The following KIAA1217 variants were observed in gnomAD, a reference collection of about 807,000 sequenced individuals.
KIAA1217 encodes sickle tail protein homolog.
In KIAA1217, 88 loss-of-function variants were observed where a neutral mutation model predicts 163.9. The observed-to-expected ratio is 0.54, with a 90% CI of 0.45 to 0.64. The LOEUF (loss-of-function observed/expected upper bound fraction) is 0.64, where lower values mean the gene tolerates loss of function less well. Among genes scored for constraint, KIAA1217 ranks in the 30% least tolerant of loss-of-function variants. KIAA1217 has a pLI of 0.00. For missense variants in KIAA1217, 2,372 were observed against 2,475.0 expected, an observed-to-expected ratio of 0.96 and a Z score of 0.88; for synonymous variants, 903 against 923.1, an observed-to-expected ratio of 0.98 and a Z score of 0.39.
rs544835034 is a variant in KIAA1217 at position 23,790,621 on chromosome 10, A to ATGTATATATACATATGTATATG, written c.-321+95388_-321+95389insGTATATATACATATGTATATGT. ...CATGTACATATATACATATGTATAT[A>ATGTATATATACATATGTATATG]TACATATATATGTACATGTATACAT... On this transcript the variant is annotated intron_variant, in intron 1 of 18. Transcript: ENST00000376462. Among the ~76,000 whole-genome samples, 3 of 129,886 alleles carry ATGTATATATACATATGTATATG rather than the reference A, an allele frequency of 2.3e-5. 1 individual carries two copies. Among genetic ancestry groups the ATGTATATATACATATGTATATG allele is most frequent in the Non-Finnish European group, 4.7e-5 (3 of 64,124 alleles). 85.2% of individuals were successfully genotyped at this position (129,886 alleles called of 152,430 possible). A position where few individuals can be genotyped will look rare whatever the true frequency, so the allele number is the denominator to read the frequency against.
At chr10:23,988,589 C>A (rs1846081580) in intron 1 of KIAA1217, among the ~76,000 whole-genome samples, 1 of 152,092 alleles carries the variant, frequency 6.6e-6, no homozygotes, top group African/African-American at 2.4e-5. Flanking sequence ...ATGCAAAATG[C>A]ATACAAACCA....
intron 1 of KIAA1217, among the ~76,000 whole-genome samples, chr10:23,860,816 A>T (rs899783616): frequency 2.0e-5 from 3 of 152,042 alleles, no homozygotes; most frequent in Non-Finnish European, 4.4e-5. Flanking sequence ...CCTGTGTTAT[A>T]CAGAGATCCT....
rs780749699 is a variant in KIAA1217 at position 24,294,362 on chromosome 10, T to C, written c.354+74453T>C. The stretch of plus-strand genomic sequence containing the variant: ...AGTTTAAATTATCGATGTGATTGCC[T>C]ACCCAGACATCTAATTCTTTCAACA... On this transcript the variant is annotated intron_variant, in intron 2 of 20. Transcript: ENST00000376454. 1.7e-4 allele frequency among the ~76,000 whole-genome samples: 26 copies of C among 152,180 alleles called. 1 individual carries two copies. The highest frequency in any genetic ancestry group is 4.1e-4 in the South Asian group (2 of 4,830).
At position 24,533,088 on chromosome 10, in the gene KIAA1217, G is replaced by A. The variant is rs200139959; in HGVS notation, c.3265G>A (p.Gly1089Arg). ...CCCACAGGCAAGCAGTGAAGATGCTGGACCAAGCCCACAGACCAGAGCTAC... is the reference window on the plus strand; with the variant it reads ...CCCACAGGCAAGCAGTGAAGATGCTAGACCAAGCCCACAGACCAGAGCTAC... ...ITAKASSEDA[G>R]PSPQTRATKY... is the part of the protein sequence containing the mutation. Residue 1089 changes from glycine to arginine, a missense_variant, in exon 16 of 21, where the codon GGA becomes AGA. Physicochemically the swap from Gly to Arg is moderately radical, Grantham distance 125. This residue lies in a region of KIAA1217 where 1,431 missense variants were observed against 1,470.3 expected (regional missense o/e 0.97). Transcript: ENST00000376454. 3.2e-5 allele frequency: 52 copies of A among 1,612,052 alleles called. No homozygotes were observed. Among genetic ancestry groups the A allele is most frequent in the Non-Finnish European group, 4.2e-5 (50 of 1,178,970 alleles).
At chr10:24,255,345 C>T (rs2075025848) in intron 2 of KIAA1217, 12 of 288,800 alleles carry the variant, frequency 4.2e-5, no homozygotes, top group South Asian at 2.5e-4. Flanking sequence ...AAATCCTGAG[C>T]GGCTGACTGT....
chr10:24,372,833 T>C (rs145841955), intron 2 of KIAA1217, among the ~76,000 whole-genome samples: 1 of 152,288 alleles, frequency 6.6e-6, no homozygotes, highest in Non-Finnish European at 1.5e-5. Context: ...GCCCTCCAAA[T>C]TGTTTCAAGA....
intron 3 of KIAA1217, among the ~76,000 whole-genome samples, chr10:24,410,947 G>C (rs2057719379): frequency 6.6e-6 from 1 of 152,126 alleles, no homozygotes; most frequent in East Asian, 1.9e-4. Flanking sequence ...TGTGAATAAG[G>C]TGTACTAAAT....
intron 9 of KIAA1217, among the ~76,000 whole-genome samples, chr10:24,508,474 G>A (rs940222090): frequency 7.2e-5 from 11 of 152,148 alleles, no homozygotes; most frequent in African/African-American, 2.4e-4. Flanking sequence ...ACACTGTACT[G>A]AAGATTGTAG....
intron 5 of KIAA1217, among the ~76,000 whole-genome samples, chr10:24,454,739 C>T (rs2061637738): frequency 6.6e-6 from 1 of 152,022 alleles, no homozygotes; most frequent in Non-Finnish European, 1.5e-5. Flanking sequence ...TGACCCCTTG[C>T]AGTAGGGACT....
intron 2 of KIAA1217, chr10:24,007,523 G>T (rs940823967): frequency 6.6e-6 from 1 of 152,166 alleles, no homozygotes; most frequent in Non-Finnish European, 1.5e-5. Flanking sequence ...ATTGAACCCT[G>T]CAATCTTCCC....
At position 24,260,258 on chromosome 10, in the gene KIAA1217, G is replaced by T. The variant is rs1363986308; in HGVS notation, c.354+40349G>T. ...GAGGAAGGGGACCCGGGAATGAGTGGCTCTGCTTCAGGAAGCATGTTTTAA... is the reference window on the plus strand; with the variant it reads ...GAGGAAGGGGACCCGGGAATGAGTGTCTCTGCTTCAGGAAGCATGTTTTAA... On this transcript the variant is annotated intron_variant, in intron 2 of 20. Coordinates refer to ENST00000376454, the MANE Select transcript of KIAA1217 (RefSeq NM_019590.5). Among the ~76,000 whole-genome samples, 4 of 152,196 alleles carry T rather than the reference G, an allele frequency of 2.6e-5. 1 individual carries two copies. The highest frequency in any genetic ancestry group is 2.0e-4 in the Admixed American group (3 of 15,286).
intron 1 of KIAA1217, among the ~76,000 whole-genome samples, chr10:23,706,505 C>CT (rs1439927340): frequency 2.6e-5 from 4 of 151,872 alleles, no homozygotes; most frequent in Non-Finnish European, 5.9e-5. Context: ...TTTTGAAATG[C>CT]TTTTTCTGTA....
chr10:23,909,006 G>A (rs1354079821), intron 1 of KIAA1217, among the ~76,000 whole-genome samples: 1 of 151,778 alleles, frequency 6.6e-6, no homozygotes, highest in Non-Finnish European at 1.5e-5. Context: ...TATAGAAAGA[G>A]GAATACTACT....
intron 2 of KIAA1217, among the ~76,000 whole-genome samples, chr10:24,282,240 A>G (rs1392051245): frequency 2.0e-5 from 3 of 151,978 alleles, no homozygotes; most frequent in Non-Finnish European, 2.9e-5. Flanking sequence ...AATAATCTAT[A>G]TGATTTATTG....
intron 7 of KIAA1217, 139 bp downstream of exon 7, chr10:24,494,743 G>T: frequency 1.5e-6 from 1 of 686,780 alleles, no homozygotes. Flanking sequence ...GATCATGGGC[G>T]TTATTTTTTT....
At chr10:23,826,484 G>C (rs996462792) in intron 1 of KIAA1217, among the ~76,000 whole-genome samples, 1 of 152,146 alleles carries the variant, frequency 6.6e-6, no homozygotes, top group African/African-American at 2.4e-5. Flanking sequence ...GCCCAGCTAG[G>C]AGTTCGATAA....
At chr10:23,865,663 T>G (rs1415805543) in intron 1 of KIAA1217, among the ~76,000 whole-genome samples, 1 of 152,192 alleles carries the variant, frequency 6.6e-6, no homozygotes, top group Non-Finnish European at 1.5e-5. Flanking sequence ...TTTTGTTTTT[T>G]AATTTTTAAC....
chr10:24,518,403 G>A lies in KIAA1217; in HGVS notation c.2178-1720G>A, dbSNP rs558014879. 6.6e-5 allele frequency among the ~76,000 whole-genome samples: 10 copies of A among 152,288 alleles called. 1 individual carries two copies. In the South Asian group the frequency reaches 1.9e-3, roughly 28 times the overall value. ...TATACATTTCTGTATATTCCATAAA[G>A]CTGTGAAGTTTAAGCGTCTCCGTAT... On this transcript the variant is annotated intron_variant, in intron 10 of 20. Coordinates refer to ENST00000376454, the MANE Select transcript of KIAA1217 (RefSeq NM_019590.5).
intron 3 of KIAA1217, among the ~76,000 whole-genome samples, chr10:24,407,285 T>TGTGTGC (rs1554851892): frequency 8.1e-5 from 12 of 148,938 alleles, no homozygotes; most frequent in African/African-American, 2.8e-4. Flanking sequence ...TGTGTGTGTG[T>TGTGTGC]GCGTGCGTGT....
Sources: gnomAD v4.1 joint callset for allele counts (sites outside exome capture counted in the v4.1 genomes callset) on GRCh38, gnomAD v4.1.1 for gene constraint, gnomAD v4.1.1 regional missense constraint, MANE v1.5 for transcripts, NCBI Gene and HGNC (gene_info 2026-07-23, HGNC 2026-07-21) for gene names.